Variants in PCDH9 observed in about 807,000 individuals in gnomAD.
PCDH9 encodes protocadherin 9, also known as protocadherin-9.
A neutral mutation model predicts 70.6 loss-of-function variants in PCDH9; 24 were observed. That is an observed-to-expected ratio of 0.34 (90% CI 0.25 to 0.48). The LOEUF (loss-of-function observed/expected upper bound fraction) is 0.48, where lower values mean the gene tolerates loss of function less well. PCDH9 is among the 20% of genes least tolerant of loss of function. The probability of loss-of-function intolerance (pLI) is 0.99; values close to 1 mark genes in which losing one functional copy is unlikely to be tolerated. For synonymous variants in PCDH9, 562 were observed against 558.5 expected (o/e 1.01, Z -0.09); for missense variants, 1,281 against 1,503.6 (o/e 0.85, Z 2.45).
At chr13:66,527,347 C>A (rs1201669701) in intron 4 of PCDH9, among the ~76,000 whole-genome samples, 1 of 151,908 alleles carries the variant, frequency 6.6e-6, no homozygotes, top group African/African-American at 2.4e-5. Flanking sequence ...AAGTATCTCA[C>A]CTCTCTTTGA....
At chr13:66,944,846 T>TGTGC (rs1786699391) in intron 2 of PCDH9, among the ~76,000 whole-genome samples, 1 of 151,418 alleles carries the variant, frequency 6.6e-6, no homozygotes, top group African/African-American at 2.4e-5. Context: ...TGTGTGTGTG[T>TGTGC]GTGTGTGTGT....
intron 4 of PCDH9, among the ~76,000 whole-genome samples, chr13:66,617,683 T>C (rs969486517): frequency 3.3e-5 from 5 of 152,188 alleles, no homozygotes; most frequent in African/African-American, 1.2e-4. Context: ...CTCGGAATTT[T>C]TGATCTGTCC....
At chr13:67,215,218 G>C (rs2089574589) in intron 2 of PCDH9, 1 of 151,560 alleles carries the variant, frequency 6.6e-6, no homozygotes, top group African/African-American at 2.4e-5. Flanking sequence ...TTGAGAATGT[G>C]TAACTATTCT....
chr13:67,026,318 T>C (rs1323467571), intron 2 of PCDH9, among the ~76,000 whole-genome samples: 2 of 152,180 alleles, frequency 1.3e-5, no homozygotes, highest in Admixed American at 1.3e-4. Flanking sequence ...TTTTTGGTTG[T>C]GTCTCTGCCC....
chr13:66,491,453 G>A (rs1959033209), intron 4 of PCDH9, among the ~76,000 whole-genome samples: 1 of 150,414 alleles, frequency 6.6e-6, no homozygotes, highest in African/African-American at 2.5e-5. Context: ...TGAATATGTA[G>A]TGAGGAACTA....
intron 3 of PCDH9, among the ~76,000 whole-genome samples, chr13:66,813,756 T>C (rs1594094509): frequency 1.3e-5 from 2 of 152,200 alleles, no homozygotes; most frequent in South Asian, 2.1e-4. Flanking sequence ...ATATACTATA[T>C]GACAAATGGT....
At chr13:67,173,199 G>T (rs143379498) in intron 2 of PCDH9, among the ~76,000 whole-genome samples, 9 of 152,234 alleles carry the variant, frequency 5.9e-5, no homozygotes, top group African/African-American at 2.2e-4. Context: ...AGGGAGGATT[G>T]AAGGTTATCC....
At chr13:67,128,218 A>G (rs754677505) in intron 2 of PCDH9, among the ~76,000 whole-genome samples, 4 of 152,166 alleles carry the variant, frequency 2.6e-5, no homozygotes, top group South Asian at 4.1e-4. Context: ...GCATGAGCCA[A>G]TTCTCCTGGA....
At chr13:66,447,504 A>C (rs1350270455) in intron 4 of PCDH9, among the ~76,000 whole-genome samples, 1 of 152,076 alleles carries the variant, frequency 6.6e-6, no homozygotes, top group Non-Finnish European at 1.5e-5. Flanking sequence ...AATTTTTGCA[A>C]ATAAAAAAAT....
chr13:66,883,069 A>C (rs1054133289), intron 3 of PCDH9, among the ~76,000 whole-genome samples: 2 of 152,102 alleles, frequency 1.3e-5, no homozygotes, highest in African/African-American at 2.4e-5. Context: ...CACATGCTGC[A>C]CACATTCAGT....
chr13:66,585,303 G>C (rs1205027248), intron 4 of PCDH9, among the ~76,000 whole-genome samples: 4 of 151,996 alleles, frequency 2.6e-5, no homozygotes, highest in African/African-American at 7.2e-5. Flanking sequence ...TTGATTATCT[G>C]TGAGAAATTG....
At chr13:67,050,327 AT>A (rs2085298284) in intron 2 of PCDH9, among the ~76,000 whole-genome samples, 1 of 152,126 alleles carries the variant, frequency 6.6e-6, no homozygotes, top group Non-Finnish European at 1.5e-5. Flanking sequence ...AAAAAATGCA[AT>A]TTTATCATAA....
intron 2 of PCDH9, among the ~76,000 whole-genome samples, chr13:67,122,188 G>T (rs892364066): frequency 6.6e-6 from 1 of 152,112 alleles, no homozygotes; most frequent in East Asian, 1.9e-4. Flanking sequence ...CCTGAGAAAG[G>T]AAACAATATC....
At chr13:67,195,421 G>A (rs2089036248) in intron 2 of PCDH9, among the ~76,000 whole-genome samples, 1 of 152,142 alleles carries the variant, frequency 6.6e-6, no homozygotes. Context: ...GGGATTACAG[G>A]CGTGAGCCAC....
chr13:66,932,681 T>TATATATATATATATATATAC (rs1313632174), intron 2 of PCDH9, among the ~76,000 whole-genome samples: 1,770 of 113,950 alleles, frequency 0.016, 25 homozygotes, highest in African/African-American at 0.036. Flanking sequence ...TATATATATA[T>TATATATATATATATATATAC]ACACACACAC....
rs1302974105 is a variant in PCDH9 at position 67,225,565 on chromosome 13, T to C, written c.2876A>G (p.Lys959Arg). ...GAGTTCCTGAATCACGTGGTGCTTT[T>C]TCACGGAAACTGGAGTGTCTGGTTT... Reference protein sequence around the residue: ...HLKPDTPVSVKKHHVIQELPL... With the variant: ...HLKPDTPVSVRKHHVIQELPL... Residue 959 changes from lysine (K) to arginine (R), a missense_variant, in exon 2 of 5, where the codon AAA becomes AGA. Coordinates refer to ENST00000377865, the MANE Select transcript of PCDH9 (RefSeq NM_203487.3). 1 of 1,614,158 alleles carries C rather than the reference T, an allele frequency of 6.2e-7. No homozygotes were observed.
At chr13:66,762,388 G>A (rs964464597) in intron 3 of PCDH9, among the ~76,000 whole-genome samples, 2 of 152,034 alleles carry the variant, frequency 1.3e-5, no homozygotes, top group Non-Finnish European at 2.9e-5. Context: ...GTCCATAGGT[G>A]TCTGCCTGGT....
intron 4 of PCDH9, among the ~76,000 whole-genome samples, chr13:66,528,855 T>C (rs1194066054): frequency 6.6e-6 from 1 of 152,092 alleles, no homozygotes; most frequent in Non-Finnish European, 1.5e-5. Context: ...CACTCTACTA[T>C]TCACTTGGAT....
At chr13:66,397,106 G>A (rs557407571) in intron 4 of PCDH9, among the ~76,000 whole-genome samples, 2 of 152,148 alleles carry the variant, frequency 1.3e-5, no homozygotes, top group South Asian at 4.2e-4. Context: ...GTCTAAAAAC[G>A]GTAACAACAA....
Sources: allele counts gnomAD v4.1 joint callset (sites outside exome capture counted in the v4.1 genomes callset), GRCh38; gene constraint gnomAD v4.1.1; transcripts MANE v1.5; gene names NCBI Gene and HGNC (gene_info 2026-07-23, HGNC 2026-07-21).